Variants in PAPOLA observed in about 807,000 individuals in gnomAD.
PAPOLA encodes the protein poly(A) polymerase alpha.
Under a neutral mutation model 100.6 loss-of-function variants are expected in PAPOLA, and 15 were observed. The observed-to-expected ratio is 0.15, with a 90% confidence interval of 0.10 to 0.23. PAPOLA has a LOEUF of 0.23. Ranked by LOEUF, PAPOLA falls within the 10% of genes least tolerant of loss-of-function variation. The pLI, the probability that PAPOLA is intolerant of heterozygous loss-of-function variation, is 1.00. For synonymous variants in PAPOLA, 293 were observed against 300.0 expected, an observed-to-expected ratio of 0.98 and a Z score of 0.24; for missense variants, 533 against 884.2, an observed-to-expected ratio of 0.60 and a Z score of 5.04.
chr14:96,533,553 T>C (rs1899237541), intron 9 of PAPOLA: 122 of 936,406 alleles, frequency 1.3e-4, no homozygotes, highest in East Asian at 2.4e-4. Flanking sequence ...TTTCTTTTTT[T>C]TTTTTTTTTT....
At chr14:96,513,096 G>C (rs369751183) in intron 1 of PAPOLA, among the ~76,000 whole-genome samples, 3 of 152,084 alleles carry the variant, frequency 2.0e-5, no homozygotes, top group Admixed American at 2.0e-4. Flanking sequence ...ATGGAGTCCC[G>C]CTTGTTGCTC....
At chr14:96,541,020 G>T (rs1899941241) in intron 12 of PAPOLA, among the ~76,000 whole-genome samples, 1 of 152,134 alleles carries the variant, frequency 6.6e-6, no homozygotes, top group Admixed American at 6.6e-5. Flanking sequence ...CTCCTGAATA[G>T]CTGGGACTAT....
rs890992342 is a variant in PAPOLA, at chr14:96,552,355, A to T, written c.1522-125A>T. On this transcript the variant is annotated intron_variant, in intron 16 of 21. Transcript: ENST00000216277. The stretch of plus-strand genomic sequence containing the variant: ...CTTTTAGAGTCAGCATGGCACATCT[A>T]ACTTTCGTAGATTTAGTGATCTGTG... 3.1e-5 allele frequency: 27 copies of T among 877,118 alleles called. No homozygotes were observed. The Admixed American group carries it at 7.0e-4, about 23-fold the overall frequency. The allele number at this position is 877,118 out of a possible 1,614,324, so 54.3% of individuals were successfully genotyped here.
intron 1 of PAPOLA, among the ~76,000 whole-genome samples, chr14:96,513,740 T>C (rs553767275): frequency 2.0e-5 from 3 of 152,348 alleles, no homozygotes; most frequent in Admixed American, 2.0e-4. Flanking sequence ...TGAAACTTTT[T>C]TAAAAATTGA....
At chr14:96,551,312 A>G (rs1381211877) in intron 16 of PAPOLA, among the ~76,000 whole-genome samples, 2 of 152,182 alleles carry the variant, frequency 1.3e-5, no homozygotes, top group East Asian at 3.8e-4. Flanking sequence ...TACTGAATAA[A>G]TCCTCATATC....
chr14:96,528,948 T>G (rs529397544), intron 6 of PAPOLA, among the ~76,000 whole-genome samples: 1 of 152,296 alleles, frequency 6.6e-6, no homozygotes, highest in Non-Finnish European at 1.5e-5. Context: ...TAATATAAAG[T>G]ATAAGTTGAG....
rs368700153 is a variant in PAPOLA, at chr14:96,503,211, C to G, written c.8+611C>G. On this transcript the variant is annotated intron_variant, in intron 1 of 21. Coordinates refer to ENST00000216277, the MANE Select transcript of PAPOLA (RefSeq NM_032632.5). ...TCCGCCTGCCTCCACCTCCGCCTCC[C>G]TAGCATTCACAGGCGGTCGGAGAAG... Among the ~76,000 whole-genome samples, 258 of 152,294 alleles carry G rather than the reference C, an allele frequency of 1.7e-3. 1 individual carries two copies. The highest frequency in any genetic ancestry group is 5.9e-3 in the African/African-American group (244 of 41,574).
chr14:96,553,103 G>A (rs1900981787), intron 17 of PAPOLA: 1 of 152,560 alleles, frequency 6.6e-6, no homozygotes, highest in South Asian at 2.1e-4. Flanking sequence ...GAGAAATGGG[G>A]TCTGGCTGTG....
chr14:96,532,113 A>T, intron 7 of PAPOLA: 3 of 1,355,694 alleles, frequency 2.2e-6, no homozygotes, highest in Non-Finnish European at 1.9e-6. Flanking sequence ...GTCAGTGCTT[A>T]CAATAGGAGA....
Position 96,556,413 on chromosome 14 carries a change from G to A in PAPOLA, c.2004G>A (p.Glu668=). ...GTCCCAAGAAAACCAAAACAGAAGA[G>A]GTATATATATGAAAAACATATTAGT... ...EESPKKTKTE[E]DETSEDANCL... The change falls in exon 19 of 22, where the codon GAG becomes GAA. Residue 668 remains glutamate (E), a splice_region_variant and synonymous_variant. Transcript: ENST00000216277. 1 of 1,571,860 alleles carries A rather than the reference G, an allele frequency of 6.4e-7. No homozygotes were observed. The highest frequency in any genetic ancestry group is 8.7e-7 in the Non-Finnish European group (1 of 1,143,082).
In PAPOLA at chr14:96,547,811, A is replaced by G; in HGVS notation, c.1414A>G (p.Ile472Val). The G allele has an allele frequency of 1.2e-6, 2 of 1,607,842 alleles. No individual in the cohort carries two copies. Among genetic ancestry groups the G allele is most frequent in the Non-Finnish European group, 1.7e-6 (2 of 1,176,972 alleles). The change falls in exon 16 of 22, where the codon ATA (isoleucine) becomes GTA (valine). Residue 472 changes from isoleucine to valine, a missense_variant. Physicochemically the swap from Ile to Val is conservative, Grantham distance 29. This residue lies in a region of PAPOLA where 18 missense variants were observed against 74.9 expected (regional missense o/e 0.24). Transcript: ENST00000216277. Reference protein sequence around the residue: ...SFTDTVYRQAINSKMFEVDMK... With the variant: ...SFTDTVYRQAVNSKMFEVDMK... The stretch of plus-strand genomic sequence containing the variant: ...TAATTGTATAGTTTATAGGCAAGCA[A>G]TAAACAGCAAGATGTTTGAGGTGGA...
chr14:96,535,730 AAT>A lies in PAPOLA; in HGVS notation c.910-148_910-147del, dbSNP rs1899465391. The A allele has an allele frequency of 8.8e-6, 7 of 798,918 alleles. No homozygotes were observed. The Admixed American group carries it at 2.3e-4, about 26-fold the overall frequency. The allele number at this position is 798,918 out of a possible 1,614,324, so 49.5% of individuals were successfully genotyped here. On this transcript the variant is annotated intron_variant, in intron 10 of 21. Transcript: ENST00000216277. ...TTCTATAAAAAATTCCTATAAAAAC[AAT>A]GTCTCTCTACATGGTTTTTCTTTCT...
intron 4 of PAPOLA, chr14:96,526,537 G>T (rs549663766): frequency 3.9e-5 from 6 of 152,320 alleles, no homozygotes; most frequent in Non-Finnish European, 8.8e-5. Flanking sequence ...GGGTTTTCCC[G>T]TGTTGTCCAG....
Position 96,565,204 on chromosome 14 carries a change from C to T in PAPOLA, c.*154C>T, listed in dbSNP as rs953500425. 10 of 567,436 alleles carry T rather than the reference C, an allele frequency of 1.8e-5. No individual in the cohort carries two copies. Among genetic ancestry groups the T allele is most frequent in the South Asian group, 1.4e-4 (6 of 42,808 alleles). 35.2% of individuals were successfully genotyped at this position (567,436 alleles called of 1,614,324 possible). On this transcript the variant is annotated 3_prime_UTR_variant, in exon 22 of 22. Coordinates refer to ENST00000216277, the MANE Select transcript of PAPOLA (RefSeq NM_032632.5). ...CTTACTGGGCTAATCAGCACTTGAT[C>T]GGAAGTCCAGGTTAGTATGTGAAGC... is the stretch of plus-strand genomic sequence containing the variant.
intron 4 of PAPOLA, 48 bp from the exon 5 acceptor site, chr14:96,527,382 A>G (rs771300022): frequency 2.7e-6 from 3 of 1,114,050 alleles, no homozygotes; most frequent in East Asian, 4.7e-5. Flanking sequence ...ATGCAAAATA[A>G]TTTTCTTGTA....
chr14:96,542,510 A>T (rs1900075971), intron 13 of PAPOLA: 1 of 543,838 alleles, frequency 1.8e-6, no homozygotes, highest in Non-Finnish European at 3.2e-6. Context: ...TCCGTGCATA[A>T]TTTCTTAATT....
intron 1 of PAPOLA, 63 bp from the exon 2 acceptor site, chr14:96,519,992 T>G: frequency 7.4e-7 from 1 of 1,351,908 alleles, no homozygotes; most frequent in East Asian, 2.4e-5. Flanking sequence ...TTTTCTGGTC[T>G]TACTGATTTG....
intron 1 of PAPOLA, among the ~76,000 whole-genome samples, chr14:96,505,679 G>T (rs1896661555): frequency 6.6e-6 from 1 of 152,142 alleles, no homozygotes; most frequent in Admixed American, 6.5e-5. Flanking sequence ...TTCCCAGAGC[G>T]GGATCTGTGG....
At chr14:96,548,191 T>C (rs1011918362) in intron 16 of PAPOLA, among the ~76,000 whole-genome samples, 7 of 152,176 alleles carry the variant, frequency 4.6e-5, no homozygotes, top group African/African-American at 1.4e-4. Flanking sequence ...CTTTTTATTC[T>C]TATTCACTTA....
Sources: gnomAD v4.1 joint callset for allele counts (sites outside exome capture counted in the v4.1 genomes callset) on GRCh38, gnomAD v4.1.1 for gene constraint, gnomAD v4.1.1 regional missense constraint, MANE v1.5 for transcripts, NCBI Gene and HGNC (gene_info 2026-07-23, HGNC 2026-07-21) for gene names.